The following MACROD2 variants were observed in gnomAD, a reference collection of about 807,000 sequenced individuals.
MACROD2 encodes ADP-ribose glycohydrolase MACROD2.
A neutral mutation model predicts 70.4 loss-of-function variants in MACROD2; 36 were observed. The ratio of observed to expected loss-of-function variants is 0.51; its 90% CI spans 0.39 to 0.68. The LOEUF (loss-of-function observed/expected upper bound fraction) is 0.68, where lower values mean the gene tolerates loss of function less well. Among genes scored for constraint, MACROD2 ranks in the 30% least tolerant of loss-of-function variants. MACROD2 has a pLI of 0.00. For missense variants in MACROD2, 496 were observed against 538.4 expected, an observed-to-expected ratio of 0.92 and a Z score of 0.78; for synonymous variants, 172 against 178.8, an observed-to-expected ratio of 0.96 and a Z score of 0.30.
At chr20:15,404,864 C>A (rs565541813) in intron 6 of MACROD2, among the ~76,000 whole-genome samples, 43 of 152,262 alleles carry the variant, frequency 2.8e-4, no homozygotes, top group African/African-American at 8.7e-4. Flanking sequence ...AAGATAGAAA[C>A]TCCATGAAGA....
chr20:15,632,607 G>A (rs1484286527), intron 8 of MACROD2, among the ~76,000 whole-genome samples: 3 of 152,138 alleles, frequency 2.0e-5, no homozygotes, highest in Non-Finnish European at 2.9e-5. Context: ...CTGAAACTTT[G>A]AGGGCCAGAG....
chr20:14,412,351 G>T (rs767675637), intron 3 of MACROD2, among the ~76,000 whole-genome samples: 1 of 152,136 alleles, frequency 6.6e-6, no homozygotes, highest in Non-Finnish European at 1.5e-5. Flanking sequence ...TGTCATGTTG[G>T]CCTTAATGGA....
At chr20:15,854,047 G>T (rs766617381) in intron 8 of MACROD2, among the ~76,000 whole-genome samples, 1 of 152,094 alleles carries the variant, frequency 6.6e-6, no homozygotes, top group South Asian at 2.1e-4. Context: ...CAATATGATC[G>T]CCCCTAGGTG....
chr20:14,893,213 G>A (rs927163329), intron 5 of MACROD2: 3 of 151,970 alleles, frequency 2.0e-5, no homozygotes, highest in African/African-American at 7.3e-5. Flanking sequence ...GAACATTTGG[G>A]TTACTTCCAC....
At chr20:14,479,899 C>G (rs918927811) in intron 3 of MACROD2, among the ~76,000 whole-genome samples, 5 of 152,136 alleles carry the variant, frequency 3.3e-5, no homozygotes, top group Middle Eastern at 3.4e-3. Context: ...AAATAAGATA[C>G]AAGGTCTTGC....
chr20:16,006,947 T>G (rs1025951818), intron 15 of MACROD2, among the ~76,000 whole-genome samples: 14 of 152,226 alleles, frequency 9.2e-5, no homozygotes, highest in African/African-American at 3.4e-4. Flanking sequence ...GGTATGGAGA[T>G]GTGCCTGTAT....
chr20:15,422,987 C>G (rs893678829), intron 6 of MACROD2, among the ~76,000 whole-genome samples: 1 of 152,180 alleles, frequency 6.6e-6, no homozygotes, highest in African/African-American at 2.4e-5. Flanking sequence ...ACCTAATATT[C>G]TAATTGACTC....
chr20:15,375,734 C>T (rs1051899142), intron 6 of MACROD2, among the ~76,000 whole-genome samples: 4 of 152,122 alleles, frequency 2.6e-5, no homozygotes, highest in Non-Finnish European at 4.4e-5. Flanking sequence ...GCATTTTATA[C>T]ATTTTAGCTC....
chr20:14,666,081 C>T (rs955275617), intron 4 of MACROD2, among the ~76,000 whole-genome samples: 5 of 152,026 alleles, frequency 3.3e-5, no homozygotes, highest in African/African-American at 9.7e-5. Flanking sequence ...GACCATGGCC[C>T]GTGAGGCATG....
In MACROD2 at chr20:15,019,163, A is replaced by ACGCG. The variant is rs200827351; in HGVS notation, c.419-210764_419-210761dup. Among the ~76,000 whole-genome samples the ACGCG allele has an allele frequency of 5.3e-3, 806 of 151,170 alleles. 9 individuals are homozygous for ACGCG. Among genetic ancestry groups the ACGCG allele is most frequent in the African/African-American group, 0.019 (779 of 41,196 alleles). On this transcript the variant is annotated intron_variant, in intron 5 of 17. Transcript: ENST00000684519. ...CCCTTCTTCCTCTGAACACACACAC[A>ACGCG]CGCGCGCGCGCGCGCGGAGAGAGTT...
At chr20:14,220,669 A>AG (rs1283267764) in intron 3 of MACROD2, among the ~76,000 whole-genome samples, 9 of 152,064 alleles carry the variant, frequency 5.9e-5, no homozygotes, top group Admixed American at 5.9e-4. Flanking sequence ...ATGGCCTGCT[A>AG]GGGTACCCAG....
At chr20:15,005,307 A>G (rs1283706093) in intron 5 of MACROD2, among the ~76,000 whole-genome samples, 2 of 152,198 alleles carry the variant, frequency 1.3e-5, no homozygotes, top group South Asian at 4.1e-4. Flanking sequence ...GTAATAATAC[A>G]GTAATGATTA....
At chr20:16,008,985 G>A (rs2066826193) in intron 15 of MACROD2, among the ~76,000 whole-genome samples, 1 of 152,182 alleles carries the variant, frequency 6.6e-6, no homozygotes, top group Non-Finnish European at 1.5e-5. Flanking sequence ...CAACATCTTT[G>A]ATCAAAAGAG....
At chr20:14,496,103 C>A (rs2084849953) in intron 4 of MACROD2, among the ~76,000 whole-genome samples, 1 of 152,084 alleles carries the variant, frequency 6.6e-6, no homozygotes, top group African/African-American at 2.4e-5. Context: ...TCTTTTTAAT[C>A]CTCTCAGTGA....
At chr20:14,179,389 A>T (rs2224739) in intron 3 of MACROD2, among the ~76,000 whole-genome samples, 27,280 of 152,150 alleles carry the variant, frequency 0.18, 3,199 homozygotes, top group Non-Finnish European at 0.26. Context: ...GGTCATCATA[A>T]TGTTGATTAT....
chr20:14,937,679 A>G (rs2074352592), intron 5 of MACROD2, among the ~76,000 whole-genome samples: 1 of 152,136 alleles, frequency 6.6e-6, no homozygotes, highest in Non-Finnish European at 1.5e-5. Context: ...TGTCTTTTTA[A>G]TGCTAGAAAC....
intron 5 of MACROD2, among the ~76,000 whole-genome samples, chr20:14,692,849 A>G (rs1234363819): frequency 1.3e-5 from 2 of 152,296 alleles, no homozygotes; most frequent in South Asian, 4.1e-4. Flanking sequence ...ATTTTGACCC[A>G]TTGTGATAAC....
chr20:14,363,546 C>T (rs1054332792), intron 3 of MACROD2, among the ~76,000 whole-genome samples: 3 of 152,070 alleles, frequency 2.0e-5, no homozygotes, highest in Non-Finnish European at 4.4e-5. Context: ...AGGGGCCGGG[C>T]GCGGTGGCTC....
chr20:14,929,434 T>C (rs1240038354), intron 5 of MACROD2: 2 of 152,214 alleles, frequency 1.3e-5, no homozygotes, highest in Non-Finnish European at 2.9e-5. Context: ...GAACGGGGTA[T>C]GTGGGAAGGG....
Sources: allele counts gnomAD v4.1 joint callset (sites outside exome capture counted in the v4.1 genomes callset), GRCh38; gene constraint gnomAD v4.1.1; transcripts MANE v1.5; gene names NCBI Gene and HGNC (gene_info 2026-07-23, HGNC 2026-07-21).